Variants in PRMT8 observed in about 807,000 individuals in gnomAD.
The protein encoded by PRMT8 is protein arginine N-methyltransferase 8.
A neutral mutation model predicts 47.1 loss-of-function variants in PRMT8; 7 were observed. That is an observed-to-expected ratio of 0.15 (90% confidence interval 0.08 to 0.28). The LOEUF (loss-of-function observed/expected upper bound fraction) is 0.28. PRMT8 is among the 10% of genes least tolerant of loss of function. The pLI is 1.00. For synonymous variants in PRMT8, 188 were observed against 186.5 expected (o/e 1.01, Z -0.07); for missense variants, 237 against 505.4 (o/e 0.47, Z 5.09).
chr12:3,398,376 T>C (rs1331631695), intron 1 of PRMT8, among the ~76,000 whole-genome samples: 2 of 152,220 alleles, frequency 1.3e-5, no homozygotes, highest in Non-Finnish European at 2.9e-5. Context: ...AAAATGGTGC[T>C]GTGTATGGGA....
chr12:3,537,370 G>T (rs1035542808), intron 1 of PRMT8, among the ~76,000 whole-genome samples: 1 of 152,102 alleles, frequency 6.6e-6, no homozygotes, highest in African/African-American at 2.4e-5. Flanking sequence ...TACATTGTGG[G>T]TGTTCATCTA....
intron 1 of PRMT8, among the ~76,000 whole-genome samples, chr12:3,396,190 T>C (rs1565397609): frequency 6.6e-6 from 1 of 152,228 alleles, no homozygotes; most frequent in Non-Finnish European, 1.5e-5. Context: ...TGTCTTTTAA[T>C]TGGAGCATTT....
intron 1 of PRMT8, among the ~76,000 whole-genome samples, chr12:3,419,424 C>T (rs1864516132): frequency 6.6e-6 from 1 of 152,164 alleles, no homozygotes; most frequent in Non-Finnish European, 1.5e-5. Flanking sequence ...TCTGAGCCCT[C>T]GAACCCTGAA....
At chr12:3,419,177 A>T (rs1360412035) in intron 1 of PRMT8, among the ~76,000 whole-genome samples, 2 of 152,216 alleles carry the variant, frequency 1.3e-5, no homozygotes, top group Non-Finnish European at 2.9e-5. Flanking sequence ...GATTTGCTCA[A>T]GGTCACAAAG....
chr12:3,531,678 C>T (rs1866033329), intron 1 of PRMT8, among the ~76,000 whole-genome samples: 1 of 152,218 alleles, frequency 6.6e-6, no homozygotes, highest in South Asian at 2.1e-4. Context: ...TGAGGGCGGC[C>T]TTCGCGTCAA....
At chr12:3,392,768 A>C (rs1309387455) in intron 1 of PRMT8, among the ~76,000 whole-genome samples, 1 of 151,908 alleles carries the variant, frequency 6.6e-6, no homozygotes, top group East Asian at 1.9e-4. Flanking sequence ...CTAGTTCTAG[A>C]TCCCTGAGGA....
At chr12:3,393,715 A>G (rs1353343101) in intron 1 of PRMT8, among the ~76,000 whole-genome samples, 2 of 134,142 alleles carry the variant, frequency 1.5e-5, no homozygotes, top group Admixed American at 7.7e-5. Flanking sequence ...TTGGTTCCAT[A>G]TGAACTTTAA....
intron 1 of PRMT8, among the ~76,000 whole-genome samples, chr12:3,482,436 G>A (rs753848460): frequency 1.9e-4 from 29 of 152,144 alleles, no homozygotes; most frequent in Non-Finnish European, 3.8e-4. Flanking sequence ...TCCTGATGTC[G>A]TTGCATAGCA....
chr12:3,567,586 T>C (rs2137203255), intron 4 of PRMT8, among the ~76,000 whole-genome samples: 2 of 152,338 alleles, frequency 1.3e-5, no homozygotes, highest in African/African-American at 4.8e-5. Flanking sequence ...CTGTTTCCAC[T>C]GCTGCTACTC....
At chr12:3,511,478 T>C (rs922459654) in intron 1 of PRMT8, among the ~76,000 whole-genome samples, 1 of 152,194 alleles carries the variant, frequency 6.6e-6, no homozygotes, top group Non-Finnish European at 1.5e-5. Context: ...GGCAATTATT[T>C]GTCTGGGGAA....
Position 3,550,188 on chromosome 12 carries a change from A to T in PRMT8, c.417+97A>T, listed in dbSNP as rs1403413473. ...CTTCTAGAAGTACAAAATTTGGTCCATCTCTTTTGCTGGGGTCACACCTTC... is the reference window on the plus strand; with the variant it reads ...CTTCTAGAAGTACAAAATTTGGTCCTTCTCTTTTGCTGGGGTCACACCTTC... On this transcript the variant is annotated intron_variant, in intron 3 of 9. Transcript: ENST00000382622. This position sits in a 1 kb window ranked among gnomAD's most constrained non-coding sequence, Gnocchi z 5.1. 1 of 1,507,352 alleles carries T rather than the reference A, an allele frequency of 6.6e-7. No homozygotes were observed. The highest frequency in any genetic ancestry group is 1.2e-5 in the South Asian group (1 of 80,920). 93.4% of individuals were successfully genotyped at this position (1,507,352 alleles called of 1,614,324 possible).
intron 1 of PRMT8, among the ~76,000 whole-genome samples, chr12:3,465,130 ATAT>A (rs1403954528): frequency 1.1e-4 from 15 of 135,770 alleles, no homozygotes; most frequent in African/African-American, 2.4e-4. Context: ...CTCAAAAAAA[ATAT>A]ATATATATAT....
chr12:3,491,270 G>C lies in PRMT8; in HGVS notation c.-356G>C. On this transcript the variant is annotated 5_prime_UTR_variant, in exon 1 of 10. Transcript: ENST00000382622. ...CTGCCTCCGGCCGGCCGGACTTTGC[G>C]AGCAGCCTGGAGAGGATCCGCGACC... 2 of 1,044,360 alleles carry C rather than the reference G, an allele frequency of 1.9e-6. No homozygotes were observed. The highest frequency in any genetic ancestry group is 5.2e-5 in the Admixed American group (1 of 19,198). The allele number at this position is 1,044,360 out of a possible 1,614,324, so 64.7% of individuals were successfully genotyped here. A position where few individuals can be genotyped will look rare whatever the true frequency, so the allele number is the denominator to read the frequency against.
intron 1 of PRMT8, 84 bp downstream of exon 1, chr12:3,491,784 T>A: frequency 6.7e-7 from 1 of 1,481,780 alleles, no homozygotes; most frequent in South Asian, 1.2e-5. Context: ...CAGCGCCGAG[T>A]GCCAAACTTT....
upstream of PRMT8, among the ~76,000 whole-genome samples, chr12:3,486,930 T>C (rs1865328662): frequency 6.6e-6 from 1 of 152,248 alleles, no homozygotes; most frequent in South Asian, 2.1e-4. Flanking sequence ...CATATTGCTT[T>C]GCAGGTATTG....
chr12:3,568,328 C>T (rs932282962), intron 4 of PRMT8, among the ~76,000 whole-genome samples: 7 of 146,016 alleles, frequency 4.8e-5, no homozygotes, highest in Admixed American at 2.1e-4. Context: ...GAAGGGGAGG[C>T]AGGCACACTT....
intron 1 of PRMT8, among the ~76,000 whole-genome samples, chr12:3,540,202 G>A (rs1866196811): frequency 1.3e-5 from 2 of 149,656 alleles, no homozygotes; most frequent in Non-Finnish European, 3.0e-5. Context: ...TGGCAGAGCT[G>A]GGATTCAGCT....
chr12:3,420,682 T>G (rs562498314), intron 1 of PRMT8, among the ~76,000 whole-genome samples: 3 of 152,204 alleles, frequency 2.0e-5, no homozygotes, highest in Admixed American at 2.0e-4. Flanking sequence ...TCCAGCTCAG[T>G]CTCTTGCTGC....
At chr12:3,581,769 G>A (rs1002697606) in intron 7 of PRMT8, among the ~76,000 whole-genome samples, 3 of 152,118 alleles carry the variant, frequency 2.0e-5, no homozygotes, top group Non-Finnish European at 2.9e-5. Flanking sequence ...AAGATGTCAT[G>A]GCTACACACC....
Sources: allele counts gnomAD v4.1 joint callset (sites outside exome capture counted in the v4.1 genomes callset), GRCh38; gene constraint gnomAD v4.1.1; non-coding constraint Gnocchi (gnomAD v3.1); transcripts MANE v1.5; gene names NCBI Gene and HGNC (gene_info 2026-07-23, HGNC 2026-07-21).